TASP1: variants seen among roughly 807,000 people sequenced by gnomAD.
TASP1 encodes taspase 1.
Under a neutral mutation model 56.6 loss-of-function variants are expected in TASP1, and 16 were observed. The ratio of observed to expected loss-of-function variants is 0.28; its 90% CI spans 0.19 to 0.43. The LOEUF (loss-of-function observed/expected upper bound fraction) is 0.43. TASP1 is among the 20% of genes least tolerant of loss of function. The pLI, the probability that TASP1 is intolerant of heterozygous loss-of-function variation, is 1.00. For synonymous variants in TASP1, 179 were observed against 184.2 expected (o/e 0.97, Z 0.23); for missense variants, 393 against 511.6 (o/e 0.77, Z 2.24).
intron 10 of TASP1, among the ~76,000 whole-genome samples, chr20:13,518,687 T>C (rs1277808923): frequency 1.3e-5 from 2 of 152,130 alleles, no homozygotes; most frequent in South Asian, 2.1e-4. Context: ...TTGTAGGTAA[T>C]AAGCAACATT....
At position 13,566,555 on chromosome 20, in the gene TASP1, G is replaced by GA. The variant is rs780776324; in HGVS notation, c.568+2951dup. 4.1e-3 allele frequency among the ~76,000 whole-genome samples: 554 copies of GA among 134,456 alleles called. 2 individuals are homozygous for GA. Among genetic ancestry groups the GA allele is most frequent in the East Asian group, 0.015 (70 of 4,686 alleles). 88.2% of individuals were successfully genotyped at this position (134,456 alleles called of 152,430 possible). A position where few individuals can be genotyped will look rare whatever the true frequency, so the allele number is the denominator to read the frequency against. ...TCTCCAGAGAGTTATAGTGAGGAAG[G>GA]AAAAAAAAAAAAGCAAATACCAAAA... On this transcript the variant is annotated intron_variant, in intron 7 of 13. Transcript: ENST00000337743.
chr20:13,526,937 T>C (rs780269425), intron 10 of TASP1, among the ~76,000 whole-genome samples: 4 of 151,986 alleles, frequency 2.6e-5, no homozygotes, highest in African/African-American at 7.2e-5. Flanking sequence ...ACAGCACCCA[T>C]AGGAACATGC....
chr20:13,212,013 A>G, the TASP1 span, among the ~76,000 whole-genome samples: 3 of 152,192 alleles, frequency 2.0e-5, no homozygotes, highest in Non-Finnish European at 4.4e-5. Flanking sequence ...ATCTTCATTC[A>G]TACTAATGAA....
chr20:13,354,788 G>A, the TASP1 span, among the ~76,000 whole-genome samples: 35 of 152,024 alleles, frequency 2.3e-4, no homozygotes, highest in East Asian at 9.6e-4. Context: ...GGAGGGATCC[G>A]GCAGGAAGGT....
At chr20:13,481,907 G>T (rs553950074) in intron 11 of TASP1, among the ~76,000 whole-genome samples, 6 of 152,156 alleles carry the variant, frequency 3.9e-5, no homozygotes, top group Admixed American at 2.6e-4. Flanking sequence ...TTGCTATGGA[G>T]AAGCTTTTTA....
At chr20:13,288,547 A>G in the TASP1 span, 3 of 1,613,736 alleles carry the variant, frequency 1.9e-6, no homozygotes, top group Non-Finnish European at 2.5e-6. Context: ...CAGATTCCAC[A>G]GATGGCGAGG....
chr20:13,173,268 C>T, the TASP1 span, among the ~76,000 whole-genome samples: 1 of 152,126 alleles, frequency 6.6e-6, no homozygotes, highest in Non-Finnish European at 1.5e-5. Context: ...AGATGTAACC[C>T]TCCTATCCCA....
chr20:13,116,947 C>T, the TASP1 span, among the ~76,000 whole-genome samples: 9 of 152,202 alleles, frequency 5.9e-5, no homozygotes, highest in Non-Finnish European at 1.2e-4. Flanking sequence ...GGAGACACCT[C>T]GGTCTTTGAC....
chr20:13,467,184 AATAC>A (rs1297292653), intron 11 of TASP1, among the ~76,000 whole-genome samples: 1 of 37,904 alleles, frequency 2.6e-5, no homozygotes, highest in African/African-American at 1.1e-4. Flanking sequence ...ACACACATAC[AATAC>A]ACACACACAC....
the TASP1 span, among the ~76,000 whole-genome samples, chr20:13,359,908 A>G: frequency 2.0e-5 from 3 of 151,618 alleles, no homozygotes; most frequent in African/African-American, 7.3e-5. Context: ...ACCCCTTACC[A>G]TCTCATTAAA....
At chr20:13,381,096 G>A in the TASP1 span, among the ~76,000 whole-genome samples, 14 of 152,106 alleles carry the variant, frequency 9.2e-5, no homozygotes, top group Non-Finnish European at 1.8e-4. Flanking sequence ...GTTCTGTCTC[G>A]CTGGCATTCC....
chr20:13,563,766 A>G (rs2046426265), intron 7 of TASP1, among the ~76,000 whole-genome samples: 1 of 151,978 alleles, frequency 6.6e-6, no homozygotes, highest in African/African-American at 2.4e-5. Context: ...CAGCCTCCCA[A>G]AGTGCTGGGA....
chr20:13,327,157 A>G, the TASP1 span, among the ~76,000 whole-genome samples: 1 of 152,190 alleles, frequency 6.6e-6, no homozygotes, highest in Non-Finnish European at 1.5e-5. Context: ...CAGCATTCCT[A>G]TAACAAACAA....
At chr20:13,433,761 C>T (rs2146180432) in intron 12 of TASP1, among the ~76,000 whole-genome samples, 2 of 151,184 alleles carry the variant, frequency 1.3e-5, no homozygotes, top group East Asian at 2.0e-4. Context: ...ACATCAGGCA[C>T]CACTCACGCT....
At chr20:13,160,795 A>G in the TASP1 span, among the ~76,000 whole-genome samples, 2 of 152,238 alleles carry the variant, frequency 1.3e-5, no homozygotes, top group African/African-American at 4.8e-5. Flanking sequence ...CAACACATAT[A>G]ATACCAGACA....
At chr20:13,583,522 T>C (rs2047197190) in intron 5 of TASP1, among the ~76,000 whole-genome samples, 1 of 152,262 alleles carries the variant, frequency 6.6e-6, no homozygotes, top group African/African-American at 2.4e-5. Flanking sequence ...TAAACTTCTA[T>C]TTAAACTATG....
intron 4 of TASP1, among the ~76,000 whole-genome samples, chr20:13,588,307 A>AAGGAAGGAAGGAAGGG (rs1218049851): frequency 4.5e-5 from 5 of 111,256 alleles, no homozygotes; most frequent in African/African-American, 1.6e-4. Context: ...GGAAGGAAGG[A>AAGGAAGGAAGGAAGGG]AGAGAAAGAA....
At chr20:13,216,304 T>C in the TASP1 span, among the ~76,000 whole-genome samples, 19 of 152,210 alleles carry the variant, frequency 1.2e-4, no homozygotes, top group Admixed American at 1.1e-3. Flanking sequence ...AAACTGAGAC[T>C]AGGGAGATAA....
chr20:13,394,928 C>T (rs567967537), intron 13 of TASP1, among the ~76,000 whole-genome samples: 2 of 151,940 alleles, frequency 1.3e-5, no homozygotes, highest in East Asian at 1.9e-4. Context: ...AAATTTAGCT[C>T]GAAGATTTTA....
Sources: gnomAD v4.1 joint callset for allele counts (sites outside exome capture counted in the v4.1 genomes callset) on GRCh38, gnomAD v4.1.1 for gene constraint, MANE v1.5 for transcripts, NCBI Gene and HGNC (gene_info 2026-07-23, HGNC 2026-07-21) for gene names.